Variants in IPCEF1 observed in about 807,000 individuals in gnomAD.
IPCEF1 encodes interactor protein for cytohesin exchange factors 1.
In IPCEF1, 31 loss-of-function variants were observed where a neutral mutation model predicts 50.9. The observed-to-expected ratio is 0.61, with a 90% CI of 0.46 to 0.82. IPCEF1 has a LOEUF of 0.82. Among genes scored for constraint, IPCEF1 ranks in the 40% least tolerant of loss-of-function variants. IPCEF1 has a pLI of 0.00. For missense variants in IPCEF1, 458 were observed against 514.0 expected (o/e 0.89, Z 1.05); for synonymous variants, 181 against 192.0 (o/e 0.94, Z 0.47).
intron 3 of IPCEF1, among the ~76,000 whole-genome samples, chr6:154,250,200 G>A (rs931696632): frequency 2.0e-5 from 3 of 151,444 alleles, no homozygotes; most frequent in South Asian, 2.1e-4. Context: ...AGTGGAACCC[G>A]TGAACTAGTC....
At chr6:154,322,942 AC>A (rs1316032794) in intron 1 of IPCEF1, among the ~76,000 whole-genome samples, 1 of 152,234 alleles carries the variant, frequency 6.6e-6, no homozygotes, top group Admixed American at 6.5e-5. Flanking sequence ...TCTCATTCAA[AC>A]AAATACACAA....
chr6:154,190,612 A>G (rs1801786614), intron 10 of IPCEF1, among the ~76,000 whole-genome samples: 1 of 152,238 alleles, frequency 6.6e-6, no homozygotes, highest in Non-Finnish European at 1.5e-5. Context: ...TCTCTTATAC[A>G]GTTAAACATA....
At chr6:154,231,025 C>T (rs1779672300) in intron 5 of IPCEF1, among the ~76,000 whole-genome samples, 1 of 152,166 alleles carries the variant, frequency 6.6e-6, no homozygotes, top group African/African-American at 2.4e-5. Flanking sequence ...CTCCATTTCT[C>T]CATATAAATC....
chr6:154,299,926 C>G lies in IPCEF1; in HGVS notation c.-61-10170G>C, dbSNP rs1207268156. ...TGGAAAACTGTGAATCTATACTCTT[C>G]AATTTTGCAAAAATTTAGCAATTCT... On this transcript the variant is annotated intron_variant, in intron 1 of 11. Coordinates refer to ENST00000367220, the MANE Select transcript of IPCEF1 (RefSeq NM_001130700.2). 1.4e-5 allele frequency among the ~76,000 whole-genome samples: 2 copies of G among 140,080 alleles called. 1 individual carries two copies. Among genetic ancestry groups the G allele is most frequent in the Non-Finnish European group, 3.2e-5 (2 of 62,596 alleles). 91.9% of individuals were successfully genotyped at this position (140,080 alleles called of 152,430 possible).
chr6:154,280,459 GAATA>G (rs1184951452), intron 2 of IPCEF1, among the ~76,000 whole-genome samples: 6 of 152,024 alleles, frequency 3.9e-5, no homozygotes, highest in African/African-American at 1.4e-4. Flanking sequence ...ATGGGAAAAT[GAATA>G]AATAAATTGT....
chr6:154,259,247 T>C (rs924004853), intron 3 of IPCEF1, among the ~76,000 whole-genome samples: 5 of 152,228 alleles, frequency 3.3e-5, no homozygotes, highest in Non-Finnish European at 7.3e-5. Context: ...GGACTTTTGC[T>C]GAACAAATCT....
At chr6:154,310,732 C>A (rs74619713) in intron 1 of IPCEF1, among the ~76,000 whole-genome samples, 1,812 of 151,956 alleles carry the variant, frequency 0.012, 22 homozygotes, top group South Asian at 0.023. Context: ...CATTATGCTA[C>A]ATGAAAGAAG....
chr6:154,327,568 C>T (rs908950894), intron 1 of IPCEF1, among the ~76,000 whole-genome samples: 1 of 151,990 alleles, frequency 6.6e-6, no homozygotes, highest in Admixed American at 6.5e-5. Flanking sequence ...GGCAAAAAAA[C>T]AACACATATT....
chr6:154,267,910 C>T (rs1451620743), intron 2 of IPCEF1, among the ~76,000 whole-genome samples: 1 of 152,222 alleles, frequency 6.6e-6, no homozygotes. Context: ...TCAGCTCTGG[C>T]TGATCTTGGG....
At chr6:154,312,582 A>AGG (rs1296140779) in intron 1 of IPCEF1, among the ~76,000 whole-genome samples, 1 of 151,870 alleles carries the variant, frequency 6.6e-6, no homozygotes, top group Non-Finnish European at 1.5e-5. Context: ...TCCTGACCTC[A>AGG]TGATCCGCCC....
At chr6:154,253,931 G>T (rs976598292) in intron 3 of IPCEF1, among the ~76,000 whole-genome samples, 5 of 152,010 alleles carry the variant, frequency 3.3e-5, no homozygotes, top group African/African-American at 9.7e-5. Context: ...TCCTAGAGGT[G>T]ATGTATATCT....
chr6:154,231,501 G>A (rs1029640350), intron 5 of IPCEF1, among the ~76,000 whole-genome samples: 20 of 152,348 alleles, frequency 1.3e-4, no homozygotes, highest in Admixed American at 1.2e-3. Flanking sequence ...CTGTCATCAG[G>A]TGACAGTTGA....
chr6:154,337,946 C>T (rs1783823834), intron 1 of IPCEF1, among the ~76,000 whole-genome samples: 1 of 152,110 alleles, frequency 6.6e-6, no homozygotes, highest in Non-Finnish European at 1.5e-5. Flanking sequence ...AGTAATACGC[C>T]CATTGGGGAA....
intron 3 of IPCEF1, among the ~76,000 whole-genome samples, chr6:154,248,041 AG>A (rs1393304819): frequency 2.0e-5 from 3 of 152,188 alleles, no homozygotes; most frequent in African/African-American, 7.2e-5. Context: ...TTTCAGTGAG[AG>A]TTCAGTAGCA....
rs551460633 is a variant in IPCEF1 at position 154,338,994 on chromosome 6, T to A, written c.-62+17678A>T. On this transcript the variant is annotated intron_variant, in intron 1 of 11. Transcript: ENST00000367220. The stretch of plus-strand genomic sequence containing the variant: ...TCCTGCCTAGCTGCCTCACCCATTA[T>A]CTTCATGCACAAAAAACAACATACA... Among the ~76,000 whole-genome samples, 15 of 152,294 alleles carry A rather than the reference T, an allele frequency of 9.8e-5. No homozygotes were observed. In the South Asian group the frequency reaches 2.5e-3, roughly 25 times the overall value.
At chr6:154,291,601 A>T (rs966041044) in intron 1 of IPCEF1, among the ~76,000 whole-genome samples, 1 of 149,274 alleles carries the variant, frequency 6.7e-6, no homozygotes. Flanking sequence ...AAGATGGTTC[A>T]CCCCTATATA....
In IPCEF1 at chr6:154,168,613, TA is replaced by T. The variant is rs200369721; in HGVS notation, c.911-501del. ...TTAATTAATTAATTAATTTTATTAT[TA>T]TTTTTTTTGAGACGGAGTTTTACTG... On this transcript the variant is annotated intron_variant, in intron 10 of 11. Transcript: ENST00000367220. This position sits in a 1 kb window ranked among gnomAD's most constrained non-coding sequence, Gnocchi z 4.1. Among the ~76,000 whole-genome samples, 379 of 152,188 alleles carry T rather than the reference TA, an allele frequency of 2.5e-3. No homozygotes were observed. Among genetic ancestry groups the T allele is most frequent in the African/African-American group, 6.9e-3 (286 of 41,522 alleles).
intron 11 of IPCEF1, among the ~76,000 whole-genome samples, chr6:154,160,938 T>C (rs1195132112): frequency 3.3e-5 from 5 of 152,164 alleles, no homozygotes; most frequent in African/African-American, 1.2e-4. Flanking sequence ...CAGGGATGCA[T>C]GTAAATGCCG....
At chr6:154,259,478 C>T (rs989529151) in intron 3 of IPCEF1, among the ~76,000 whole-genome samples, 2 of 151,950 alleles carry the variant, frequency 1.3e-5, no homozygotes, top group Admixed American at 1.3e-4. Flanking sequence ...CATGGAGAAG[C>T]CCTGTCTCTA....
Sources: allele counts gnomAD v4.1 joint callset (sites outside exome capture counted in the v4.1 genomes callset), GRCh38; gene constraint gnomAD v4.1.1; non-coding constraint Gnocchi (gnomAD v3.1); transcripts MANE v1.5; gene names NCBI Gene and HGNC (gene_info 2026-07-23, HGNC 2026-07-21).